Variants in DCAF8L2 observed in about 807,000 individuals in gnomAD.
DCAF8L2 encodes the protein DDB1 and CUL4 associated factor 8 like 2.
For synonymous variants in DCAF8L2, 200 were observed against 190.9 expected, an observed-to-expected ratio of 1.05 and a Z score of -0.39; for missense variants, 430 against 490.7, an observed-to-expected ratio of 0.88 and a Z score of 1.17.
the DCAF8L2 span, among the ~76,000 whole-genome samples, chrX:27,475,853 C>T: frequency 4.5e-5 from 5 of 111,395 alleles, no homozygotes; most frequent in Non-Finnish European, 7.5e-5. Context: ...TTTCAAGGAT[C>T]CAGTGAGTAT....
intron 2 of DCAF8L2, among the ~76,000 whole-genome samples, chrX:27,669,876 C>A (rs1358400145): frequency 9.0e-6 from 1 of 111,535 alleles, no homozygotes; most frequent in Admixed American, 9.6e-5. Flanking sequence ...TCTATCATTG[C>A]TGGACATTTG....
At chrX:27,696,302 GAA>G (rs1403165730) in intron 3 of DCAF8L2, among the ~76,000 whole-genome samples, 1 of 88,367 alleles carries the variant, frequency 1.1e-5, no homozygotes, top group South Asian at 5.1e-4. Flanking sequence ...AAGAAAGAAA[GAA>G]AGAAAGAAAG....
At chrX:27,600,660 T>C (rs1926599070) in intron 1 of DCAF8L2, among the ~76,000 whole-genome samples, 1 of 111,381 alleles carries the variant, frequency 9.0e-6, no homozygotes, top group Non-Finnish European at 1.9e-5. Context: ...GAGTGCAGAG[T>C]TGTATTTGTT....
At chrX:27,584,384 C>G in the DCAF8L2 span, among the ~76,000 whole-genome samples, 8 of 110,674 alleles carry the variant, frequency 7.2e-5, no homozygotes, top group South Asian at 1.5e-3. Flanking sequence ...ATTATTCACC[C>G]TTTCACAGAT....
At chrX:27,668,540 G>C (rs996462061) in intron 2 of DCAF8L2, among the ~76,000 whole-genome samples, 3 of 111,821 alleles carry the variant, frequency 2.7e-5, no homozygotes, top group Admixed American at 9.5e-5. Flanking sequence ...GTCTCAACCA[G>C]AGGAAAAAGG....
chrX:27,722,917 G>GA (rs927745356), intron 4 of DCAF8L2, among the ~76,000 whole-genome samples: 8 of 109,532 alleles, frequency 7.3e-5, no homozygotes, highest in Admixed American at 2.0e-4. Flanking sequence ...AAAGCTACTA[G>GA]AAAAAAAATA....
chrX:27,473,083 T>C, the DCAF8L2 span, among the ~76,000 whole-genome samples: 1 of 112,431 alleles, frequency 8.9e-6, no homozygotes, highest in Non-Finnish European at 1.9e-5. Flanking sequence ...CATTCATTGA[T>C]AGGGTTATTC....
chrX:27,533,212 AAG>A, the DCAF8L2 span, among the ~76,000 whole-genome samples: 1 of 52,147 alleles, frequency 1.9e-5, no homozygotes, highest in African/African-American at 5.1e-5. Flanking sequence ...GAAAGAAAGA[AAG>A]AAAGAAAGAA....
chrX:27,746,573 C>T lies in DCAF8L2; in HGVS notation c.-58-265C>T, dbSNP rs183104084. Among the ~76,000 whole-genome samples, 41 of 111,548 alleles carry T rather than the reference C, an allele frequency of 3.7e-4. No individual in the cohort carries two copies. The East Asian group carries it at 9.3e-3, about 25-fold the overall frequency. On this transcript the variant is annotated intron_variant, in intron 4 of 4. Transcript: ENST00000451261. The stretch of plus-strand genomic sequence containing the variant: ...ACATTTTCCAAGGTGCAGCAAGTTT[C>T]GATCTTCAAAAACCCGCAGCTACTC...
At chrX:27,606,358 AAT>A (rs200718182) in intron 1 of DCAF8L2, among the ~76,000 whole-genome samples, 454 of 39,723 alleles carry the variant, frequency 0.011, 24 homozygotes, top group East Asian at 0.014. Flanking sequence ...TATATCTAGG[AAT>A]ATATATATAT....
the DCAF8L2 span, among the ~76,000 whole-genome samples, chrX:27,567,546 CATATATATATATATATATAT>C: frequency 4.1e-4 from 12 of 29,624 alleles, no homozygotes; most frequent in South Asian, 2.7e-3. Flanking sequence ...ACCACTGTAG[CATATATATATATATATATAT>C]ATATATATAT....
rs1555917079 is a variant in DCAF8L2, at chrX:27,598,974, A to AAAAAT, written c.-342+8535_-342+8536insAAATA. On this transcript the variant is annotated intron_variant, in intron 1 of 4. Transcript: ENST00000451261. ...GGAAAGTTTCTCAAAAAAAAAAAAA[A>AAAAAT]ATATATATATATATATATGATCCAG... is the stretch of plus-strand genomic sequence containing the variant. 1.9e-3 allele frequency among the ~76,000 whole-genome samples: 179 copies of AAAAAT among 92,188 alleles called. 1 individual carries two copies. Among genetic ancestry groups the AAAAAT allele is most frequent in the Non-Finnish European group, 3.1e-3 (151 of 48,239 alleles). 80.1% of individuals were successfully genotyped at this position (92,188 alleles called of 115,157 possible). A position where few individuals can be genotyped will look rare whatever the true frequency, so the allele number is the denominator to read the frequency against.
intron 4 of DCAF8L2, among the ~76,000 whole-genome samples, chrX:27,717,338 A>G (rs1931735686): frequency 8.9e-6 from 1 of 112,418 alleles, no homozygotes; most frequent in African/African-American, 3.2e-5. Flanking sequence ...GAACTAATTT[A>G]CATTCCCACC....
chrX:27,536,062 AT>A, the DCAF8L2 span, among the ~76,000 whole-genome samples: 1 of 111,832 alleles, frequency 8.9e-6, no homozygotes, highest in Admixed American at 9.6e-5. Flanking sequence ...CGTCTTTGTC[AT>A]TGGTTTTATG....
the DCAF8L2 span, among the ~76,000 whole-genome samples, chrX:27,526,246 A>AAGTTT: frequency 9.0e-6 from 1 of 110,988 alleles, no homozygotes; most frequent in African/African-American, 3.3e-5. Flanking sequence ...TTTTTCTCTA[A>AAGTTT]ACTTCTCTTC....
Position 27,640,656 on chromosome X carries a change from A to G in DCAF8L2, c.-220+8656A>G, listed in dbSNP as rs1243708419. Among the ~76,000 whole-genome samples the G allele has an allele frequency of 2.9e-4, 32 of 112,023 alleles. No homozygotes were observed. The Admixed American group carries it at 3.0e-3, about 11-fold the overall frequency. On this transcript the variant is annotated intron_variant, in intron 2 of 4. Transcript: ENST00000451261. Reference sequence around the variant, plus strand: ...ATGTTTAACTTCATAAAAAACTACTAAAGTATTTTCCAAATTGGTTCTATC... The same window carrying G: ...ATGTTTAACTTCATAAAAAACTACTGAAGTATTTTCCAAATTGGTTCTATC...
chrX:27,560,267 CAA>C, the DCAF8L2 span, among the ~76,000 whole-genome samples: 247 of 81,388 alleles, frequency 3.0e-3, no homozygotes, highest in Middle Eastern at 6.5e-3. Flanking sequence ...ATATCCATCT[CAA>C]AAAAAAAAAA....
In DCAF8L2 at chrX:27,592,422, T is replaced by TG. The variant is rs1368745497; in HGVS notation, c.-342+1982_-342+1983insG. On this transcript the variant is annotated intron_variant, in intron 1 of 4. Coordinates refer to ENST00000451261, the MANE Select transcript of DCAF8L2 (RefSeq NM_001353450.2). The stretch of plus-strand genomic sequence containing the variant: ...GTTTTTTTTTGTTTGTTTTTGTTTT[T>TG]TTTTTTTTTGGTTTATTTATTTATT... Among the ~76,000 whole-genome samples, 8 of 98,302 alleles carry TG rather than the reference T, an allele frequency of 8.1e-5. No individual in the cohort carries two copies. The East Asian group carries it at 8.8e-4, about 11-fold the overall frequency. 85.4% of individuals were successfully genotyped at this position (98,302 alleles called of 115,157 possible).
the DCAF8L2 span, among the ~76,000 whole-genome samples, chrX:27,472,670 G>C: frequency 9.0e-6 from 1 of 111,466 alleles, no homozygotes; most frequent in South Asian, 3.8e-4. Context: ...GCGTTAGTTT[G>C]CTGAGGATGA....
Sources: gnomAD v4.1 joint callset for allele counts (sites outside exome capture counted in the v4.1 genomes callset) on GRCh38, gnomAD v4.1.1 for gene constraint, MANE v1.5 for transcripts, NCBI Gene and HGNC (gene_info 2026-07-23, HGNC 2026-07-21) for gene names.